Variants in ZDHHC11B observed in about 807,000 individuals in gnomAD.
ZDHHC11B encodes probable palmitoyltransferase ZDHHC11B.
In ZDHHC11B, 17 loss-of-function variants were observed where a neutral mutation model predicts 42.3. The observed-to-expected ratio is 0.40, with a 90% confidence interval of 0.27 to 0.60. The LOEUF is 0.60. Among genes scored for constraint, ZDHHC11B ranks in the 20% least tolerant of loss-of-function variants. The probability of loss-of-function intolerance (pLI) is 0.41; values close to 1 mark genes in which losing one functional copy is unlikely to be tolerated. For synonymous variants in ZDHHC11B, 123 were observed against 193.5 expected (o/e 0.64, Z 3.02); for missense variants, 262 against 463.2 (o/e 0.57, Z 3.99).
intron 1 of ZDHHC11B, among the ~76,000 whole-genome samples, chr5:777,869 G>C (rs541296405): frequency 5.9e-5 from 9 of 151,812 alleles, no homozygotes; most frequent in African/African-American, 1.7e-4. Flanking sequence ...CGGCGGGGGC[G>C]GCGCCCTTCC....
At chr5:773,190 C>G (rs1458487871) in intron 1 of ZDHHC11B, among the ~76,000 whole-genome samples, 8 of 151,876 alleles carry the variant, frequency 5.3e-5, no homozygotes, top group Admixed American at 5.3e-4. Context: ...GCGGGCGCCT[C>G]TACCTTGGCG....
intron 1 of ZDHHC11B, among the ~76,000 whole-genome samples, chr5:775,277 C>T (rs150866149): frequency 0.011 from 1,664 of 151,320 alleles, 3 homozygotes; most frequent in Non-Finnish European, 0.02. Flanking sequence ...CCCGCTGACC[C>T]CCAGAGCTCG....
At chr5:714,598 G>C (rs569765966) in intron 13 of ZDHHC11B, among the ~76,000 whole-genome samples, 1 of 109,282 alleles carries the variant, frequency 9.2e-6, no homozygotes, top group Non-Finnish European at 2.1e-5. Flanking sequence ...ATGATAAAGA[G>C]CATGAAAATG....
intron 12 of ZDHHC11B, among the ~76,000 whole-genome samples, chr5:725,040 G>A (rs577857878): frequency 1.5e-3 from 230 of 150,620 alleles, no homozygotes; most frequent in African/African-American, 5.3e-3. Flanking sequence ...AGATTCACAG[G>A]CTGAAGTCCT....
rs549754770 is a variant in ZDHHC11B, at chr5:766,510, C to T, written c.222+188G>A. 2.1e-4 allele frequency among the ~76,000 whole-genome samples: 32 copies of T among 151,962 alleles called. No individual in the cohort carries two copies. The South Asian group carries it at 5.6e-3, about 27-fold the overall frequency. ...GATGTGGGGTCAGCAGCTGTCCTGACCCTGAGCAGGGGCTGCACAGAGCAC... is the reference window on the plus strand; with the variant it reads ...GATGTGGGGTCAGCAGCTGTCCTGATCCTGAGCAGGGGCTGCACAGAGCAC... On this transcript the variant is annotated intron_variant, in intron 4 of 13. Coordinates refer to ENST00000508859, the MANE Select transcript of ZDHHC11B (RefSeq NM_001351303.2).
intron 12 of ZDHHC11B, among the ~76,000 whole-genome samples, chr5:718,355 A>G (rs1363844836): frequency 6.6e-6 from 1 of 151,752 alleles, no homozygotes; most frequent in Non-Finnish European, 1.5e-5. Context: ...ACCTAGTCAG[A>G]CATGTATGGG....
chr5:762,223 A>C (rs1181292956), intron 4 of ZDHHC11B, among the ~76,000 whole-genome samples: 21 of 150,438 alleles, frequency 1.4e-4, no homozygotes, highest in Middle Eastern at 6.9e-3. Flanking sequence ...CCAGCCACTC[A>C]CAGCCCAGAT....
chr5:722,941 A>C (rs1268168870), intron 12 of ZDHHC11B, among the ~76,000 whole-genome samples: 1 of 151,670 alleles, frequency 6.6e-6, no homozygotes, highest in South Asian at 2.1e-4. Context: ...AAAAAAATGA[A>C]AAAGTATTCA....
chr5:754,318 ACCACGCTCAGGGGAAAGACCTCTCAT>A (rs1746255943), intron 6 of ZDHHC11B, among the ~76,000 whole-genome samples: 1 of 126,224 alleles, frequency 7.9e-6, no homozygotes, highest in African/African-American at 2.7e-5. Context: ...ATGAGCCTCC[ACCACGCTCAGGGGAAAGACCTCTCAT>A]CTGTGAGCCT....
chr5:730,539 C>A lies in ZDHHC11B; in HGVS notation c.1024-71G>T. ...TGTTGACATTAAACTTATTCTTAAACAAAATTCAAGTTCATTACTAGTCAG... is the reference window on the plus strand; with the variant it reads ...TGTTGACATTAAACTTATTCTTAAAAAAAATTCAAGTTCATTACTAGTCAG... On this transcript the variant is annotated intron_variant, in intron 11 of 13. Coordinates refer to ENST00000508859, the MANE Select transcript of ZDHHC11B (RefSeq NM_001351303.2). 7 of 1,472,576 alleles carry A rather than the reference C, an allele frequency of 4.8e-6. No individual in the cohort carries two copies. The Admixed American group carries it at 1.6e-4, about 33-fold the overall frequency. 91.2% of individuals were successfully genotyped at this position (1,472,576 alleles called of 1,614,324 possible).
intron 12 of ZDHHC11B, among the ~76,000 whole-genome samples, chr5:722,732 A>C (rs533712098): frequency 0.032 from 4,801 of 150,298 alleles, 15 homozygotes; most frequent in African/African-American, 0.11. Context: ...GTAGCAAAAA[A>C]CTGGAAGCCA....
In ZDHHC11B at chr5:752,328, C is replaced by T. The variant is rs1412883469; in HGVS notation, c.504-1071G>A. ...GTCTTGTGCAAATCTGAGCCAAAAG[C>T]GATGTCCATGCTGTAGACCTGAGAC... On this transcript the variant is annotated intron_variant, in intron 6 of 13. Transcript: ENST00000508859. Among the ~76,000 whole-genome samples the T allele has an allele frequency of 5.5e-4, 53 of 95,520 alleles. 6 individuals carry two copies. Among genetic ancestry groups the T allele is most frequent in the Non-Finnish European group, 3.1e-4 (13 of 41,594 alleles). 62.7% of individuals were successfully genotyped at this position (95,520 alleles called of 152,430 possible). A position where few individuals can be genotyped will look rare whatever the true frequency, so the allele number is the denominator to read the frequency against.
At chr5:718,019 T>G (rs1200832989) in intron 12 of ZDHHC11B, among the ~76,000 whole-genome samples, 2 of 151,790 alleles carry the variant, frequency 1.3e-5, no homozygotes, top group Admixed American at 6.6e-5. Context: ...CAGGACTCAG[T>G]AAGTAAAGGA....
At chr5:783,231 C>T (rs1736986418) in intron 1 of ZDHHC11B, among the ~76,000 whole-genome samples, 1 of 152,206 alleles carries the variant, frequency 6.6e-6, no homozygotes, top group African/African-American at 2.4e-5. Flanking sequence ...GGGAGCCCGC[C>T]CCTCCCCCAC....
intron 12 of ZDHHC11B, among the ~76,000 whole-genome samples, chr5:723,968 A>G (rs930071109): frequency 1.5e-5 from 2 of 135,954 alleles, no homozygotes; most frequent in African/African-American, 5.6e-5. Context: ...TGCTGGCTGT[A>G]TGACTGCTCA....
At chr5:783,293 A>G (rs1237953984) in intron 1 of ZDHHC11B, among the ~76,000 whole-genome samples, 2 of 152,254 alleles carry the variant, frequency 1.3e-5, no homozygotes, top group Non-Finnish European at 1.5e-5. Flanking sequence ...AGCGGCTGAC[A>G]GGCGCGAGAG....
At chr5:720,555 C>T (rs1742106283) in intron 12 of ZDHHC11B, among the ~76,000 whole-genome samples, 1 of 151,806 alleles carries the variant, frequency 6.6e-6, no homozygotes, top group Non-Finnish European at 1.5e-5. Context: ...AATGAAGAGA[C>T]ATTAGACAGT....
intron 7 of ZDHHC11B, 36 bp downstream of exon 7, chr5:751,097 C>G (rs748380909): frequency 2.8e-6 from 3 of 1,081,286 alleles, no homozygotes; most frequent in Non-Finnish European, 3.7e-6. Context: ...CGGCTGGAGG[C>G]GAGGATGAGG....
intron 13 of ZDHHC11B, among the ~76,000 whole-genome samples, chr5:715,107 C>T (rs1345225444): frequency 5.3e-5 from 8 of 150,160 alleles, no homozygotes; most frequent in Non-Finnish European, 1.0e-4. Context: ...AAGCCAAATA[C>T]ACGATTTTTC....
Sources: gnomAD v4.1 joint callset for allele counts (sites outside exome capture counted in the v4.1 genomes callset) on GRCh38, gnomAD v4.1.1 for gene constraint, MANE v1.5 for transcripts, NCBI Gene and HGNC (gene_info 2026-07-23, HGNC 2026-07-21) for gene names.